WHRN: variants seen among roughly 807,000 people sequenced by gnomAD.
WHRN encodes whirlin, also known as CASK-interacting protein CIP98.
A neutral mutation model predicts 68.3 loss-of-function variants in WHRN; 41 were observed. The ratio of observed to expected loss-of-function variants is 0.60; its 90% confidence interval spans 0.47 to 0.78. The LOEUF is 0.78. Among genes scored for constraint, WHRN ranks in the 30% least tolerant of loss-of-function variants. The pLI, the probability that WHRN is intolerant of heterozygous loss-of-function variation, is 0.00. For missense variants in WHRN, 1,243 were observed against 1,244.7 expected, an observed-to-expected ratio of 1.00 and a Z score of 0.02; for synonymous variants, 560 against 561.3, an observed-to-expected ratio of 1.00 and a Z score of 0.03.
chr9:114,446,761 T>C (rs1210226168), intron 3 of WHRN, among the ~76,000 whole-genome samples: 1 of 152,158 alleles, frequency 6.6e-6, no homozygotes, highest in African/African-American at 2.4e-5. Context: ...CCTCCTTCCA[T>C]CTGCCTTAAC....
intron 7 of WHRN, among the ~76,000 whole-genome samples, chr9:114,414,186 G>T (rs745816482): frequency 6.6e-6 from 1 of 152,130 alleles, no homozygotes; most frequent in African/African-American, 2.4e-5. Flanking sequence ...AGAGAGCACT[G>T]ATCTTTCACG....
chr9:114,424,980 T>G lies in WHRN; in HGVS notation c.1203+8A>C, dbSNP rs1055460893. On this transcript the variant is annotated splice_region_variant and intron_variant, in intron 5 of 11. Transcript: ENST00000362057. ...GAAGCAGAGAATACCCCTTAGAGGA[T>G]GTCCTACCTTGTTTATTCCTTCTGT... 1 of 1,613,928 alleles carries G rather than the reference T, an allele frequency of 6.2e-7. No individual in the cohort carries two copies. The highest frequency in any genetic ancestry group is 1.3e-5 in the African/African-American group (1 of 74,926).
intron 7 of WHRN, among the ~76,000 whole-genome samples, chr9:114,412,088 A>G (rs1535966): frequency 0.88 from 134,368 of 152,254 alleles, 59,748 homozygotes; most frequent in African/African-American, 0.94. Flanking sequence ...CAGCCCTGTC[A>G]GGGAGGCCTG....
At position 114,504,524 on chromosome 9, in the gene WHRN, A is replaced by G. The variant is rs772708009; in HGVS notation, c.278T>C (p.Met93Thr). ...GGAGCGCGGGATGACCAGACGAAGC[A>G]TGGGCAGCAGGCGCCGCTTGACCGG... Reference protein sequence around the residue: ...DSPVKRRLLPMLRLVIPRSDQ... With the variant: ...DSPVKRRLLPTLRLVIPRSDQ... The change falls in exon 1 of 12, where the codon ATG becomes ACG. Residue 93 changes from methionine (M) to threonine (T), a missense_variant. Transcript: ENST00000362057. 6.2e-7 allele frequency: 1 copy of G among 1,610,206 alleles called. No individual in the cohort carries two copies. The highest frequency in any genetic ancestry group is 1.1e-5 in the South Asian group (1 of 91,086).
At chr9:114,433,390 T>C (rs949095763) in intron 3 of WHRN, among the ~76,000 whole-genome samples, 5 of 152,180 alleles carry the variant, frequency 3.3e-5, no homozygotes, top group Non-Finnish European at 5.9e-5. Context: ...CCAGCCACGC[T>C]GGGAAGGGCC....
chr9:114,476,498 T>G (rs1196082085), intron 2 of WHRN, among the ~76,000 whole-genome samples: 1 of 152,048 alleles, frequency 6.6e-6, no homozygotes, highest in Non-Finnish European at 1.5e-5. Flanking sequence ...CCTGATCACC[T>G]CAATCAAAAC....
intron 3 of WHRN, among the ~76,000 whole-genome samples, chr9:114,441,552 C>A (rs146119333): frequency 1.1e-4 from 16 of 152,308 alleles, no homozygotes; most frequent in Non-Finnish European, 1.9e-4. Flanking sequence ...CCTGAACCAT[C>A]TTCTTGAGTC....
At chr9:114,434,349 C>T (rs56202010) in intron 3 of WHRN, among the ~76,000 whole-genome samples, 28,567 of 152,104 alleles carry the variant, frequency 0.19, 3,184 homozygotes, top group Middle Eastern at 0.29. Flanking sequence ...CCCAGACCTG[C>T]AATAATGGAA....
intron 3 of WHRN, among the ~76,000 whole-genome samples, chr9:114,464,253 A>G (rs1402337308): frequency 6.6e-6 from 1 of 152,244 alleles, no homozygotes; most frequent in Non-Finnish European, 1.5e-5. Flanking sequence ...GTAAATTACC[A>G]TGTCTATAAC....
intron 3 of WHRN, among the ~76,000 whole-genome samples, chr9:114,427,550 G>A (rs1836989216): frequency 6.6e-6 from 1 of 152,194 alleles, no homozygotes; most frequent in Non-Finnish European, 1.5e-5. Context: ...CCAGCCTGCT[G>A]AGAGCACATG....
chr9:114,410,039 G>A (rs560290132), intron 7 of WHRN, among the ~76,000 whole-genome samples: 2 of 151,850 alleles, frequency 1.3e-5, no homozygotes, highest in Non-Finnish European at 2.9e-5. Flanking sequence ...GCTCATTACT[G>A]CCCCAGGGCC....
chr9:114,481,071 C>G (rs2133166574), intron 1 of WHRN, among the ~76,000 whole-genome samples: 1 of 152,304 alleles, frequency 6.6e-6, no homozygotes. Context: ...CTCTCTGCGT[C>G]CCCCAAGCTT....
intron 1 of WHRN, among the ~76,000 whole-genome samples, chr9:114,502,892 T>C (rs556917340): frequency 2.0e-5 from 3 of 152,200 alleles, no homozygotes; most frequent in South Asian, 2.1e-4. Flanking sequence ...AGGGAAAAGA[T>C]TGATAGAGGG....
intron 7 of WHRN, among the ~76,000 whole-genome samples, chr9:114,416,182 C>A (rs1310475541): frequency 2.0e-5 from 3 of 152,186 alleles, no homozygotes; most frequent in Admixed American, 6.5e-5. Context: ...TCCTTCCAGG[C>A]ATATGACAGG....
intron 7 of WHRN, among the ~76,000 whole-genome samples, chr9:114,410,924 T>G (rs1219204745): frequency 6.6e-6 from 1 of 152,228 alleles, no homozygotes; most frequent in African/African-American, 2.4e-5. Context: ...TGAGGCTTCT[T>G]TGAGCTCACA....
At chr9:114,459,213 T>C (rs957539314) in intron 3 of WHRN, among the ~76,000 whole-genome samples, 1 of 152,154 alleles carries the variant, frequency 6.6e-6, no homozygotes, top group Non-Finnish European at 1.5e-5. Context: ...ATCCCAGCAC[T>C]TTGGGAGGCC....
Position 114,504,758 on chromosome 9 carries a change from G to A in WHRN, c.44C>T (p.Thr15Ile), listed in dbSNP as rs727502957. The change falls in exon 1 of 12, where the codon ACC (threonine) becomes ATC (isoleucine). Residue 15 changes from threonine to isoleucine, a missense_variant. Transcript: ENST00000362057. ...LDGLSVSSSS[T>I]GSLGSAAGAG... is the part of the protein sequence containing the mutation. ...CCCGGCCGCCGAGCCCAGCGAGCCG[G>A]TGGAGGACGAGCTCACCGACAGGCC... 22 of 1,505,864 alleles carry A rather than the reference G, an allele frequency of 1.5e-5. No homozygotes were observed. The South Asian group carries it at 2.0e-4, about 14-fold the overall frequency. 93.3% of individuals were successfully genotyped at this position (1,505,864 alleles called of 1,614,324 possible). A position where few individuals can be genotyped will look rare whatever the true frequency, so the allele number is the denominator to read the frequency against.
chr9:114,466,514 C>T lies in WHRN; in HGVS notation c.838-122G>A. The T allele has an allele frequency of 7.1e-6, 10 of 1,402,850 alleles. No individual in the cohort carries two copies. The South Asian group carries it at 8.2e-5, about 11-fold the overall frequency. 86.9% of individuals were successfully genotyped at this position (1,402,850 alleles called of 1,614,324 possible). A position where few individuals can be genotyped will look rare whatever the true frequency, so the allele number is the denominator to read the frequency against. On this transcript the variant is annotated intron_variant, in intron 2 of 11. Coordinates refer to ENST00000362057, the MANE Select transcript of WHRN (RefSeq NM_015404.4). ...ATCTTATCCGACTGGCAAGGAGGCC[C>T]AGGCCAAGGCCTGGAAGATACCCTA...
At chr9:114,484,052 A>T (rs978319817) in intron 1 of WHRN, among the ~76,000 whole-genome samples, 5 of 152,180 alleles carry the variant, frequency 3.3e-5, no homozygotes, top group African/African-American at 4.8e-5. Context: ...CAGGTCACTG[A>T]ACCAGATCCA....
Sources: gnomAD v4.1 joint callset for allele counts (sites outside exome capture counted in the v4.1 genomes callset) on GRCh38, gnomAD v4.1.1 for gene constraint, MANE v1.5 for transcripts, NCBI Gene and HGNC (gene_info 2026-07-23, HGNC 2026-07-21) for gene names.